Variants in GLIS3 observed in about 807,000 individuals in gnomAD.
GLIS3 encodes zinc finger protein GLIS3.
GLIS3 carries 53 observed loss-of-function variants against 78.6 expected under a neutral mutation model. The observed-to-expected ratio is 0.67, with a 90% CI of 0.54 to 0.85. GLIS3 has a LOEUF of 0.85. GLIS3 is among the 40% of genes least tolerant of loss of function. The probability of loss-of-function intolerance (pLI) is 0.00; values close to 1 mark genes in which losing one functional copy is unlikely to be tolerated. For synonymous variants in GLIS3, 684 were observed against 509.9 expected (o/e 1.34, Z -4.60); for missense variants, 1,703 against 1,231.1 (o/e 1.38, Z -5.74).
At chr9:4,144,368 T>C (rs1318974420) in intron 2 of GLIS3, among the ~76,000 whole-genome samples, 2 of 152,236 alleles carry the variant, frequency 1.3e-5, no homozygotes, top group Non-Finnish European at 2.9e-5. Flanking sequence ...ACATGCATTT[T>C]ACTAAATGCA....
Position 4,118,394 on chromosome 9 carries a change from G to A in GLIS3, c.1084C>T (p.Pro362Ser). Residue 362 changes from proline (P) to serine (S), a missense_variant, in exon 4 of 11, where the codon CCG (proline) becomes TCG (serine). Physicochemically the swap from Pro to Ser is moderately conservative, Grantham distance 74 (BLOSUM62 -1). Coordinates refer to ENST00000381971, the MANE Select transcript of GLIS3 (RefSeq NM_001042413.2). The surrounding 1 kb of genome is among the most constrained non-coding windows in gnomAD (Gnocchi z 4.7). ...LGVRGSCIPQ[P>S]RPVPGSQKGV... ...TTCTGGCTGCCGGGCACCGGGCGCG[G>A]CTGGGGAATGCAGCTGCCGCGCACG... The A allele has an allele frequency of 6.2e-7, 1 of 1,604,018 alleles. No homozygotes were observed. Among genetic ancestry groups the A allele is most frequent in the Non-Finnish European group, 8.5e-7 (1 of 1,178,504 alleles).
At position 4,154,070 on chromosome 9, in the gene GLIS3, TG is replaced by T. The variant is rs1245312768; in HGVS notation, c.389-28130del. ...GGCTGTCAATAAGAACACCAACACA[TG>T]GCCTCTGCACATGACTTGAGCTTCC... is the stretch of plus-strand genomic sequence containing the variant. On this transcript the variant is annotated intron_variant, in intron 2 of 10. Coordinates refer to ENST00000381971, the MANE Select transcript of GLIS3 (RefSeq NM_001042413.2). Among the ~76,000 whole-genome samples, 3 of 152,308 alleles carry T rather than the reference TG, an allele frequency of 2.0e-5. No homozygotes were observed. In the East Asian group the frequency reaches 5.8e-4, roughly 29 times the overall value.
chr9:4,270,073 C>G (rs1826365125), intron 2 of GLIS3, among the ~76,000 whole-genome samples: 3 of 152,336 alleles, frequency 2.0e-5, no homozygotes, highest in Middle Eastern at 6.8e-3. Flanking sequence ...GCTCTAGACA[C>G]CTCTTATCAG....
intron 2 of GLIS3, among the ~76,000 whole-genome samples, chr9:4,217,249 A>G (rs1820935539): frequency 6.6e-6 from 1 of 152,236 alleles, no homozygotes; most frequent in Non-Finnish European, 1.5e-5. Flanking sequence ...AACATAGGGT[A>G]TGCATGTGCA....
chr9:4,333,236 T>TAGA (rs1377708621), intron 2 of GLIS3, among the ~76,000 whole-genome samples: 20 of 19,244 alleles, frequency 1.0e-3, no homozygotes, highest in African/African-American at 2.0e-3. Context: ...GAAGGAAAAG[T>TAGA]GGAGGGGAAG....
At chr9:3,861,333 A>G (rs1206776050) in intron 8 of GLIS3, among the ~76,000 whole-genome samples, 2 of 152,182 alleles carry the variant, frequency 1.3e-5, no homozygotes, top group Non-Finnish European at 2.9e-5. Context: ...TAGTTACACA[A>G]TTGTAGAAGC....
the GLIS3 span, among the ~76,000 whole-genome samples, chr9:4,470,093 G>A: frequency 1.3e-5 from 2 of 152,170 alleles, no homozygotes; most frequent in East Asian, 3.9e-4. Context: ...AACAGGCTCT[G>A]AAATTGAGGC....
At chr9:4,286,016 G>C in intron 2 of GLIS3, 22 bp downstream of exon 2, 6 of 1,614,002 alleles carry the variant, frequency 3.7e-6, no homozygotes, top group Non-Finnish European at 5.1e-6. Flanking sequence ...ATTTTTAAAA[G>C]GTTCCAGAAA....
chr9:4,248,702 C>T (rs920703583), intron 2 of GLIS3, among the ~76,000 whole-genome samples: 13 of 152,324 alleles, frequency 8.5e-5, no homozygotes, highest in African/African-American at 2.6e-4. Context: ...TACACTCCCA[C>T]CAACAGTGTA....
chr9:4,295,401 T>G (rs182452444), intron 1 of GLIS3, among the ~76,000 whole-genome samples: 28 of 152,322 alleles, frequency 1.8e-4, no homozygotes, highest in Admixed American at 4.6e-4. Context: ...TTCTATCATA[T>G]TAAGTAATGC....
At chr9:4,123,958 C>T in intron 3 of GLIS3, 1 of 390,604 alleles carries the variant, frequency 2.6e-6, no homozygotes, top group East Asian at 3.6e-5. Context: ...TCCATCCACT[C>T]CCAGCATGCC....
chr9:3,948,998 G>A (rs1334513165), intron 4 of GLIS3, among the ~76,000 whole-genome samples: 1 of 152,156 alleles, frequency 6.6e-6, no homozygotes, highest in African/African-American at 2.4e-5. Flanking sequence ...GAGGTTAAGT[G>A]ACTTGCCAAA....
intron 4 of GLIS3, among the ~76,000 whole-genome samples, chr9:4,066,584 G>C (rs937862638): frequency 6.6e-6 from 1 of 152,152 alleles, no homozygotes; most frequent in African/African-American, 2.4e-5. Context: ...GCTTTCATCT[G>C]AGCCTTACAG....
the GLIS3 span, among the ~76,000 whole-genome samples, chr9:4,418,355 C>T: frequency 1.3e-5 from 2 of 152,206 alleles, no homozygotes; most frequent in Non-Finnish European, 2.9e-5. Context: ...ATGCAAGTCA[C>T]AACATTGCCC....
intron 2 of GLIS3, among the ~76,000 whole-genome samples, chr9:4,212,858 G>T (rs1354304939): frequency 6.6e-6 from 1 of 152,188 alleles, no homozygotes; most frequent in African/African-American, 2.4e-5. Context: ...GCACATTAAA[G>T]AGCTGGGGCT....
intron 2 of GLIS3, chr9:4,144,991 C>G (rs1834104143): frequency 6.6e-6 from 1 of 152,200 alleles, no homozygotes; most frequent in South Asian, 2.1e-4. Context: ...AAGGCAGTGT[C>G]CTTTTGTTTT....
intron 4 of GLIS3, among the ~76,000 whole-genome samples, chr9:4,021,190 T>C (rs1448868523): frequency 6.6e-6 from 1 of 152,158 alleles, no homozygotes; most frequent in Non-Finnish European, 1.5e-5. Context: ...TATATGTGTA[T>C]ACACACTATA....
At chr9:4,352,960 G>A (rs1015763842), upstream of GLIS3, among the ~76,000 whole-genome samples, 8 of 152,106 alleles carry the variant, frequency 5.3e-5, no homozygotes, top group African/African-American at 1.9e-4. Context: ...TAAGATATAG[G>A]GTCCTCTCGC....
chr9:4,452,369 C>G, the GLIS3 span, among the ~76,000 whole-genome samples: 6 of 152,106 alleles, frequency 3.9e-5, no homozygotes, highest in African/African-American at 9.6e-5. Flanking sequence ...AATAGGAAGA[C>G]AGGAAGTCAA....
Sources: allele counts gnomAD v4.1 joint callset (sites outside exome capture counted in the v4.1 genomes callset), GRCh38; gene constraint gnomAD v4.1.1; non-coding constraint Gnocchi (gnomAD v3.1); transcripts MANE v1.5; gene names NCBI Gene and HGNC (gene_info 2026-07-23, HGNC 2026-07-21).